The following PLXDC1 variants were observed in gnomAD, a reference collection of about 807,000 sequenced individuals.
The protein encoded by PLXDC1 is plexin domain containing 1.
In PLXDC1, 39 loss-of-function variants were observed where a neutral mutation model predicts 61.3. The observed-to-expected ratio is 0.64, with a 90% confidence interval of 0.49 to 0.83. The LOEUF (loss-of-function observed/expected upper bound fraction) is 0.83. PLXDC1 is among the 40% of genes least tolerant of loss of function. The pLI is 0.00. For synonymous variants in PLXDC1, 212 were observed against 254.5 expected, an observed-to-expected ratio of 0.83 and a Z score of 1.59; for missense variants, 596 against 666.5, an observed-to-expected ratio of 0.89 and a Z score of 1.17.
At chr17:39,149,768 C>T (rs2045362096) in intron 1 of PLXDC1, among the ~76,000 whole-genome samples, 1 of 152,158 alleles carries the variant, frequency 6.6e-6, no homozygotes, top group South Asian at 2.1e-4. Flanking sequence ...TTCCCCCTTC[C>T]CCAGCCCTCT....
chr17:39,075,047 C>A (rs1377455600), intron 11 of PLXDC1, among the ~76,000 whole-genome samples: 1 of 152,128 alleles, frequency 6.6e-6, no homozygotes, highest in Non-Finnish European at 1.5e-5. Context: ...GCAGCCTCAA[C>A]CTCCTAGGCT....
chr17:39,140,349 AGGCTGGAGTGC>A (rs1229926037), intron 1 of PLXDC1, among the ~76,000 whole-genome samples: 1 of 151,588 alleles, frequency 6.6e-6, no homozygotes, highest in Non-Finnish European at 1.5e-5. Context: ...TCTGTCACCC[AGGCTGGAGTGC>A]AGTGGCCCGA....
chr17:39,109,862 G>A (rs1345814252), intron 2 of PLXDC1, among the ~76,000 whole-genome samples: 1 of 152,236 alleles, frequency 6.6e-6, no homozygotes, highest in Non-Finnish European at 1.5e-5. Context: ...GAAAATCTGG[G>A]CTGGACGCGG....
chr17:39,109,223 C>T (rs762528370), intron 3 of PLXDC1, 25 bp downstream of exon 3: 22 of 1,595,016 alleles, frequency 1.4e-5, no homozygotes, highest in Non-Finnish European at 3.4e-6. Context: ...CACAGGGAAG[C>T]ATGGCTGGCG....
At chr17:39,082,144 G>A in intron 9 of PLXDC1, among the ~76,000 whole-genome samples, 1 of 152,178 alleles carries the variant, frequency 6.6e-6, no homozygotes, top group East Asian at 1.9e-4. Context: ...GCTGTGTCCT[G>A]TGTGCTAGGC....
chr17:39,079,839 T>G, intron 9 of PLXDC1: 1 of 305,098 alleles, frequency 3.3e-6, no homozygotes, highest in Non-Finnish European at 6.5e-6. Context: ...CCCAGGGATG[T>G]CTGCATGGGA....
chr17:39,140,461 G>A (rs1248493066), intron 1 of PLXDC1, among the ~76,000 whole-genome samples: 3 of 152,144 alleles, frequency 2.0e-5, no homozygotes, highest in Non-Finnish European at 2.9e-5. Context: ...GCCCGCTACC[G>A]CGCCCAGCTA....
intron 7 of PLXDC1, among the ~76,000 whole-genome samples, chr17:39,103,647 A>T (rs1910498850): frequency 6.6e-6 from 1 of 151,612 alleles, no homozygotes; most frequent in Admixed American, 6.6e-5. Flanking sequence ...GGAGTTTGAG[A>T]CCAGCCTGGA....
intron 2 of PLXDC1, among the ~76,000 whole-genome samples, chr17:39,110,111 G>T (rs1910746914): frequency 6.7e-6 from 1 of 148,718 alleles, no homozygotes; most frequent in Non-Finnish European, 1.5e-5. Context: ...GGGCGACAGA[G>T]CGAGACTCTG....
At position 39,147,490 on chromosome 17, in the gene PLXDC1, G is replaced by T. The variant is rs534877538; in HGVS notation, c.76+3872C>A. On this transcript the variant is annotated intron_variant, in intron 1 of 13. Transcript: ENST00000315392. ...GGTCACAGGACCAGCTTTCAGAGGG[G>T]CCAGGGAAGGCTCCAAACCCTAAAC... 7.2e-5 allele frequency among the ~76,000 whole-genome samples: 11 copies of T among 152,280 alleles called. No individual in the cohort carries two copies. The South Asian group carries it at 2.3e-3, about 32-fold the overall frequency.
chr17:39,085,100 C>T (rs781385059), intron 8 of PLXDC1, among the ~76,000 whole-genome samples: 14 of 152,248 alleles, frequency 9.2e-5, no homozygotes, highest in Non-Finnish European at 1.9e-4. Context: ...TGTGTTTCTT[C>T]CTGTGTGAAT....
chr17:39,065,984 CAAA>C lies in PLXDC1; in HGVS notation c.*1853_*1855del, dbSNP rs946981992. 1.3e-5 allele frequency: 2 copies of C among 152,218 alleles called. No homozygotes were observed. Among genetic ancestry groups the C allele is most frequent in the African/African-American group, 4.8e-5 (2 of 41,408 alleles). 9.4% of individuals were successfully genotyped at this position (152,218 alleles called of 1,614,324 possible). On this transcript the variant is annotated 3_prime_UTR_variant, in exon 14 of 14. Transcript: ENST00000315392. The stretch of plus-strand genomic sequence containing the variant: ...TGGGCGACACAGTGAGACCCTGTCT[CAAA>C]AAAAGTCCCTCCCATGCCAGCTGCC...
intron 2 of PLXDC1, among the ~76,000 whole-genome samples, chr17:39,114,383 A>C (rs1598203110): frequency 6.6e-6 from 1 of 151,890 alleles, no homozygotes; most frequent in Admixed American, 6.6e-5. Flanking sequence ...ACCCTTCCTC[A>C]CCTATCCAGC....
chr17:39,147,911 G>T (rs1473890337), intron 1 of PLXDC1, among the ~76,000 whole-genome samples: 2 of 152,150 alleles, frequency 1.3e-5, no homozygotes, highest in African/African-American at 4.8e-5. Context: ...TGAATCATTT[G>T]GTAAGGGCTA....
At chr17:39,079,317 C>T (rs976508757) in intron 9 of PLXDC1, 153 bp from the exon 10 acceptor site, 51 of 671,110 alleles carry the variant, frequency 7.6e-5, no homozygotes, top group African/African-American at 5.3e-5. Context: ...TCTACTTCCC[C>T]GGAAGATGAA....
chr17:39,085,182 C>G lies in PLXDC1; in HGVS notation c.908-1642G>C, dbSNP rs116447944. On this transcript the variant is annotated intron_variant, in intron 8 of 13. Coordinates refer to ENST00000315392, the MANE Select transcript of PLXDC1 (RefSeq NM_020405.5). ...CCCCAGCAAGATGGCAGCTGGGAAC[C>G]AGCCCTGGGTGAGTGGGAGAGAGGC... is the stretch of plus-strand genomic sequence containing the variant. Among the ~76,000 whole-genome samples the G allele has an allele frequency of 2.5e-3, 385 of 152,354 alleles. 1 individual carries two copies. Among genetic ancestry groups the G allele is most frequent in the African/African-American group, 8.8e-3 (368 of 41,586 alleles).
At chr17:39,129,121 C>T (rs1026919918) in intron 2 of PLXDC1, among the ~76,000 whole-genome samples, 3 of 150,668 alleles carry the variant, frequency 2.0e-5, no homozygotes, top group Admixed American at 6.6e-5. Context: ...AGTTCAAGAC[C>T]GGCCTGGTCA....
At chr17:39,111,614 C>T (rs1910805840) in intron 2 of PLXDC1, among the ~76,000 whole-genome samples, 1 of 152,158 alleles carries the variant, frequency 6.6e-6, no homozygotes, top group Non-Finnish European at 1.5e-5. Flanking sequence ...GCCTTTCACC[C>T]CTACCTCCCC....
chr17:39,134,582 T>C (rs1321072810), intron 2 of PLXDC1, among the ~76,000 whole-genome samples: 1 of 146,038 alleles, frequency 6.8e-6, no homozygotes, highest in Non-Finnish European at 1.5e-5. Context: ...GCTAAGATCA[T>C]GCCATCACAC....
Sources: gnomAD v4.1 joint callset for allele counts (sites outside exome capture counted in the v4.1 genomes callset) on GRCh38, gnomAD v4.1.1 for gene constraint, MANE v1.5 for transcripts, NCBI Gene and HGNC (gene_info 2026-07-23, HGNC 2026-07-21) for gene names.